Variants in UNC79 observed in about 807,000 individuals in gnomAD.
UNC79 encodes unc-79 subunit of NALCN channel complex, also known as protein unc-79 homolog.
UNC79 carries 37 observed loss-of-function variants against 283.1 expected under a neutral mutation model. The observed-to-expected ratio is 0.13, with a 90% CI of 0.10 to 0.17. UNC79 has a LOEUF of 0.17. Ranked by LOEUF, UNC79 falls within the 10% of genes least tolerant of loss-of-function variation. The pLI, the probability that UNC79 is intolerant of heterozygous loss-of-function variation, is 1.00. For missense variants in UNC79, 2,272 were observed against 3,211.1 expected, an observed-to-expected ratio of 0.71 and a Z score of 7.07; for synonymous variants, 1,107 against 1,200.2, an observed-to-expected ratio of 0.92 and a Z score of 1.61.
At chr14:93,605,517 T>C (rs1387130231) in intron 26 of UNC79, among the ~76,000 whole-genome samples, 1 of 152,172 alleles carries the variant, frequency 6.6e-6, no homozygotes, top group Admixed American at 6.5e-5. Context: ...CAATTTATCA[T>C]GAAGTAGCCT....
chr14:93,463,876 G>A (rs745880465), intron 1 of UNC79, among the ~76,000 whole-genome samples: 3 of 152,144 alleles, frequency 2.0e-5, no homozygotes, highest in East Asian at 1.9e-4. Context: ...GGGGCCGGGC[G>A]CTGTGGTTCA....
chr14:93,630,852 C>T (rs1299534651), exon 31 of UNC79: 2 of 1,614,074 alleles, frequency 1.2e-6, no homozygotes, highest in Admixed American at 1.7e-5. Context: ...GAATCTTCAT[C>T]TGCCCCTACG....
rs1191414306 is a variant in UNC79, at chr14:93,474,806, G to A, written c.448+413G>A. On this transcript the variant is annotated intron_variant, in intron 3 of 48. Transcript: ENST00000555664. This position sits in a 1 kb window ranked among gnomAD's most constrained non-coding sequence, Gnocchi z 4.1. ...CTGACTGATTCGGTAATTTTTGAGGGAGCAAATTCTCTAGGACCCATTTTT... is the reference window on the plus strand; with the variant it reads ...CTGACTGATTCGGTAATTTTTGAGGAAGCAAATTCTCTAGGACCCATTTTT... Among the ~76,000 whole-genome samples, 1 of 152,140 alleles carries A rather than the reference G, an allele frequency of 6.6e-6. No homozygotes were observed. Among genetic ancestry groups the A allele is most frequent in the African/African-American group, 2.4e-5 (1 of 41,430 alleles).
intron 4 of UNC79, among the ~76,000 whole-genome samples, chr14:93,484,688 C>G (rs934091486): frequency 6.6e-6 from 1 of 152,172 alleles, no homozygotes; most frequent in Non-Finnish European, 1.5e-5. Flanking sequence ...GCTTTTTACA[C>G]CCTCATGGGG....
At chr14:93,341,318 G>A (rs556561153) in intron 1 of UNC79, among the ~76,000 whole-genome samples, 10 of 152,090 alleles carry the variant, frequency 6.6e-5, no homozygotes, top group East Asian at 5.8e-4. Flanking sequence ...TGAGCCAGGC[G>A]TGGTGGTACA....
intron 24 of UNC79, among the ~76,000 whole-genome samples, chr14:93,599,787 G>A (rs2065357006): frequency 6.6e-6 from 1 of 152,176 alleles, no homozygotes; most frequent in African/African-American, 2.4e-5. Context: ...AAGAAAACCA[G>A]GTGACTTTGC....
At chr14:93,455,742 G>C (rs564555373) in intron 1 of UNC79, among the ~76,000 whole-genome samples, 18 of 152,270 alleles carry the variant, frequency 1.2e-4, no homozygotes, top group South Asian at 1.0e-3. Context: ...GCAACTCTGT[G>C]AGATAGATAT....
chr14:93,575,244 A>T (rs766099342), intron 17 of UNC79, 46 bp downstream of exon 17: 4 of 1,611,518 alleles, frequency 2.5e-6, no homozygotes, highest in East Asian at 4.5e-5. Context: ...AAAAATCTTG[A>T]AAACCCTTGT....
exon 39 of UNC79, chr14:93,659,252 T>C: frequency 6.2e-7 from 1 of 1,611,502 alleles, no homozygotes. Flanking sequence ...CTTCTACCAA[T>C]GCTACAAGGG....
At chr14:93,346,944 A>T (rs923367885) in intron 1 of UNC79, among the ~76,000 whole-genome samples, 9 of 150,366 alleles carry the variant, frequency 6.0e-5, no homozygotes, top group Admixed American at 2.0e-4. Context: ...AGCAGGGGGT[A>T]CTGAACTGAA....
At chr14:93,532,379 G>T (rs2060864334) in intron 10 of UNC79, among the ~76,000 whole-genome samples, 171 bp from the exon 11 acceptor site, 2 of 152,118 alleles carry the variant, frequency 1.3e-5, no homozygotes, top group African/African-American at 4.8e-5. Flanking sequence ...GAGTCAGGAG[G>T]ATCACTTGAG....
At position 93,361,964 on chromosome 14, in the gene UNC79, A is replaced by G. The variant is rs570823485; in HGVS notation, c.-351+28441A>G. On this transcript the variant is annotated intron_variant, in intron 1 of 49. Transcript: ENST00000256339. Reference sequence around the variant, plus strand: ...TATTGGGATGATCTTGTGGTTTTTTAGTTCTGTTCATGTGATGAAAACATT... The same window carrying G: ...TATTGGGATGATCTTGTGGTTTTTTGGTTCTGTTCATGTGATGAAAACATT... Among the ~76,000 whole-genome samples, 7 of 152,238 alleles carry G rather than the reference A, an allele frequency of 4.6e-5. No homozygotes were observed. The South Asian group carries it at 1.5e-3, about 32-fold the overall frequency.
At chr14:93,443,254 A>AATAAATAC (rs1299899832) in intron 1 of UNC79, among the ~76,000 whole-genome samples, 1 of 146,524 alleles carries the variant, frequency 6.8e-6, no homozygotes, top group African/African-American at 2.5e-5. Context: ...TAAATAAATA[A>AATAAATAC]ATACCCTTAT....
At chr14:93,471,379 T>C (rs1203175308) in intron 2 of UNC79, among the ~76,000 whole-genome samples, 1 of 152,152 alleles carries the variant, frequency 6.6e-6, no homozygotes, top group Non-Finnish European at 1.5e-5. Context: ...CCTCTCTTGA[T>C]GCTGAAAGTC....
chr14:93,587,968 G>C (rs2064338682), intron 22 of UNC79, among the ~76,000 whole-genome samples: 1 of 152,206 alleles, frequency 6.6e-6, no homozygotes, highest in Admixed American at 6.5e-5. Flanking sequence ...TTTGAGATGG[G>C]TGGGACATGT....
rs868716942 is a variant in UNC79 at position 93,682,792 on chromosome 14, C to G, written c.6819+98C>G. 3.6e-6 allele frequency: 4 copies of G among 1,120,442 alleles called. No homozygotes were observed. In the East Asian group the frequency reaches 9.8e-5, roughly 27 times the overall value. 69.4% of individuals were successfully genotyped at this position (1,120,442 alleles called of 1,614,324 possible). On this transcript the variant is annotated intron_variant, in intron 42 of 48. Coordinates refer to ENST00000555664, the Ensembl canonical transcript of UNC79. ...ACTTACATCAGGGTTTGAGGCCTGC[C>G]ATTTACTAGCTATGTGACTTTTGGA...
intron 38 of UNC79, among the ~76,000 whole-genome samples, chr14:93,658,962 G>C (rs1358894409): frequency 1.3e-5 from 2 of 151,760 alleles, no homozygotes; most frequent in African/African-American, 2.4e-5. Flanking sequence ...AATACTTTAG[G>C]AGCTGTGTTT....
chr14:93,451,523 A>G (rs1389146689), intron 1 of UNC79, among the ~76,000 whole-genome samples: 1 of 152,176 alleles, frequency 6.6e-6, no homozygotes, highest in Non-Finnish European at 1.5e-5. Flanking sequence ...CTGGCTTTCC[A>G]TTCTGTTTGG....
chr14:93,618,342 G>A (rs759942741), exon 29 of UNC79: 8 of 1,604,526 alleles, frequency 5.0e-6, no homozygotes, highest in Admixed American at 3.5e-5. Context: ...CAGATACAGC[G>A]AAAAAGAAAA....
Sources: gnomAD v4.1 joint callset for allele counts (sites outside exome capture counted in the v4.1 genomes callset) on GRCh38, gnomAD v4.1.1 for gene constraint, Gnocchi (gnomAD v3.1) non-coding constraint, MANE v1.5 for transcripts, NCBI Gene and HGNC (gene_info 2026-07-23, HGNC 2026-07-21) for gene names.